PIK3CA: variants seen among roughly 807,000 people sequenced by gnomAD.
PIK3CA encodes phosphatidylinositol 4,5-bisphosphate 3-kinase catalytic subunit alpha isoform.
Under a neutral mutation model 138.2 loss-of-function variants are expected in PIK3CA, and 27 were observed. That is an observed-to-expected ratio of 0.20 (90% CI 0.14 to 0.27). PIK3CA has a LOEUF of 0.27. PIK3CA is among the 10% of genes least tolerant of loss of function. The pLI, the probability that PIK3CA is intolerant of heterozygous loss-of-function variation, is 1.00. For synonymous variants in PIK3CA, 358 were observed against 413.2 expected, an observed-to-expected ratio of 0.87 and a Z score of 1.62; for missense variants, 544 against 1,277.4, an observed-to-expected ratio of 0.43 and a Z score of 8.75.
chr3:179,199,664 A>G, intron 2 of PIK3CA, 26 bp from the exon 3 acceptor site: 5 of 1,489,658 alleles, frequency 3.4e-6, no homozygotes, highest in Non-Finnish European at 4.7e-6. Context: ...ATAGAATGTT[A>G]TATTCTTTAT....
At chr3:179,214,698 T>C (rs1404422020) in intron 9 of PIK3CA, among the ~76,000 whole-genome samples, 3 of 152,128 alleles carry the variant, frequency 2.0e-5, no homozygotes, top group African/African-American at 7.2e-5. Flanking sequence ...ACCTTCAGTT[T>C]GTTGGAAATG....
At chr3:179,215,575 C>T (rs2459693) in intron 9 of PIK3CA, among the ~76,000 whole-genome samples, 96,505 of 151,700 alleles carry the variant, frequency 0.64, 32,443 homozygotes, top group African/African-American at 0.86. Flanking sequence ...CCTAGAAGGA[C>T]AATAAAATAG....
At position 179,237,584 on chromosome 3, in the gene PIK3CA, G is replaced by C. The variant is rs143625297; in HGVS notation, c.*3220G>C. On this transcript the variant is annotated 3_prime_UTR_variant, in exon 21 of 21. Transcript: ENST00000263967. The stretch of plus-strand genomic sequence containing the variant: ...CTTGGATTTTATTTTAAATGGATTG[G>C]TGACTTTCACATAGGTAAAACACAG... The C allele has an allele frequency of 0.02, 4,232 of 207,268 alleles. 189 individuals are homozygous for C. The highest frequency in any genetic ancestry group is 0.2 in the South Asian group (1,042 of 5,290). 12.8% of individuals were successfully genotyped at this position (207,268 alleles called of 1,614,324 possible). A position where few individuals can be genotyped will look rare whatever the true frequency, so the allele number is the denominator to read the frequency against.
intron 1 of PIK3CA, among the ~76,000 whole-genome samples, chr3:179,184,373 A>C (rs907687036): frequency 6.6e-6 from 1 of 152,200 alleles, no homozygotes; most frequent in Non-Finnish European, 1.5e-5. Context: ...GTATGTAATC[A>C]TAGTCAACAG....
chr3:179,211,934 A>T (rs953773813), intron 9 of PIK3CA, among the ~76,000 whole-genome samples: 3 of 152,166 alleles, frequency 2.0e-5, no homozygotes, highest in Admixed American at 6.5e-5. Flanking sequence ...TGTACCATAT[A>T]TTGAGGTCTG....
chr3:179,224,065 CTT>C lies in PIK3CA; in HGVS notation c.2188-8_2188-7del. 3 of 1,382,684 alleles carry C rather than the reference CTT, an allele frequency of 2.2e-6. No individual in the cohort carries two copies. Among genetic ancestry groups the C allele is most frequent in the Non-Finnish European group, 3.1e-6 (3 of 980,814 alleles). 85.7% of individuals were successfully genotyped at this position (1,382,684 alleles called of 1,614,324 possible). A position where few individuals can be genotyped will look rare whatever the true frequency, so the allele number is the denominator to read the frequency against. ...AAGTCAGTTTCTTACTGTGACTATC[CTT>C]TTTTTTTAATCAGGTACAGATGAAG... On this transcript the variant is annotated splice_polypyrimidine_tract_variant and intron_variant, in intron 14 of 20. Coordinates refer to ENST00000263967, the MANE Select transcript of PIK3CA (RefSeq NM_006218.4).
At chr3:179,201,609 ATT>A (rs373901635) in intron 4 of PIK3CA, 69 bp downstream of exon 4, 6,053 of 749,434 alleles carry the variant, frequency 8.1e-3, no homozygotes, top group East Asian at 0.012. Flanking sequence ...GAGTATCTGT[ATT>A]TTTTTTTTTT....
intron 1 of PIK3CA, among the ~76,000 whole-genome samples, chr3:179,156,067 C>A (rs11708869): frequency 3.0e-4 from 45 of 152,118 alleles, no homozygotes; most frequent in African/African-American, 9.4e-4. Context: ...AAATCACTCC[C>A]TAGAGAGAAG....
rs202038584 is a variant in PIK3CA, at chr3:179,198,996, C to G, written c.171C>G (p.Pro57=). 1.7e-5 allele frequency: 27 copies of G among 1,613,120 alleles called. No individual in the cohort carries two copies. In the South Asian group the frequency reaches 2.2e-4, roughly 13 times the overall value. ...TATTTAAAGAAGCAAGAAAATACCCCCTCCATCAACTTCTTCAAGATGAAT... is the reference window on the plus strand; with the variant it reads ...TATTTAAAGAAGCAAGAAAATACCCGCTCCATCAACTTCTTCAAGATGAAT... The part of the protein sequence containing the change: ...HELFKEARKY[P]LHQLLQDESS... The change falls in exon 2 of 21, where the codon CCC becomes CCG. Residue 57 remains proline, a synonymous_variant. Coordinates refer to ENST00000263967, the MANE Select transcript of PIK3CA (RefSeq NM_006218.4).
rs1303458176 is a variant in PIK3CA, at chr3:179,201,284, T to C, written c.563-6T>C. ...GGTGATTGCATCTAATGTTTTCCTGTTATAGGGCAAATAATAGTGGTGATC... is the reference window on the plus strand; with the variant it reads ...GGTGATTGCATCTAATGTTTTCCTGCTATAGGGCAAATAATAGTGGTGATC... On this transcript the variant is annotated splice_region_variant and splice_polypyrimidine_tract_variant and intron_variant, in intron 3 of 20. Transcript: ENST00000263967. The C allele has an allele frequency of 1.2e-6, 2 of 1,608,832 alleles. No individual in the cohort carries two copies. Among genetic ancestry groups the C allele is most frequent in the Non-Finnish European group, 1.7e-6 (2 of 1,176,774 alleles).
chr3:179,224,956 C>T, intron 16 of PIK3CA, 135 bp downstream of exon 16: 1 of 553,534 alleles, frequency 1.8e-6, no homozygotes, highest in South Asian at 3.8e-5. Flanking sequence ...TAATATTTAT[C>T]AGATGTCTTG....
chr3:179,152,781 A>T (rs1723045364), intron 1 of PIK3CA, among the ~76,000 whole-genome samples: 1 of 152,144 alleles, frequency 6.6e-6, no homozygotes, highest in African/African-American at 2.4e-5. Flanking sequence ...ACCAAAAAAC[A>T]CTGTGACATT....
chr3:179,155,200 G>A (rs1293351599), intron 1 of PIK3CA, among the ~76,000 whole-genome samples: 1 of 152,140 alleles, frequency 6.6e-6, no homozygotes, highest in African/African-American at 2.4e-5. Context: ...AGGATTTTAG[G>A]CATATGTTTT....
intron 1 of PIK3CA, among the ~76,000 whole-genome samples, chr3:179,181,764 CAA>C (rs1201634153): frequency 2.6e-5 from 4 of 152,196 alleles, no homozygotes; most frequent in East Asian, 1.9e-4. Flanking sequence ...AAGCACCTAT[CAA>C]AAGAGTATCA....
At chr3:179,161,559 G>A (rs907100010) in intron 1 of PIK3CA, among the ~76,000 whole-genome samples, 8 of 152,152 alleles carry the variant, frequency 5.3e-5, no homozygotes, top group African/African-American at 1.4e-4. Context: ...TTAGCTGGGC[G>A]TGGTGGCGCG....
chr3:179,199,701 G>A lies in PIK3CA; in HGVS notation c.364G>A (p.Gly122Ser), dbSNP rs754044428. The A allele has an allele frequency of 2.5e-6, 4 of 1,606,654 alleles. No individual in the cohort carries two copies. The highest frequency in any genetic ancestry group is 2.2e-5 in the East Asian group (1 of 44,734). ...ILNREIGFAI[G>S]MPVCEFDMVK... Reference sequence around the variant, plus strand: ...TAATTTTATTAAAGGTTTTGCTATCGGCATGCCAGTGTGTGAATTTGATAT... The same window carrying A: ...TAATTTTATTAAAGGTTTTGCTATCAGCATGCCAGTGTGTGAATTTGATAT... Residue 122 changes from glycine to serine, a missense_variant, in exon 3 of 21, where the codon GGC becomes AGC. Around this residue, in one of 14 missense-constraint regions of PIK3CA, gnomAD observed 234 missense variants for 401.3 expected, o/e 0.58. Coordinates refer to ENST00000263967, the MANE Select transcript of PIK3CA (RefSeq NM_006218.4).
chr3:179,185,454 ACAAT>A (rs1560132340), intron 1 of PIK3CA, among the ~76,000 whole-genome samples: 1 of 152,342 alleles, frequency 6.6e-6, no homozygotes, highest in East Asian at 1.9e-4. Context: ...CTCCCCACCA[ACAAT>A]CAGTCAGTTG....
At chr3:179,179,319 A>G (rs183015323) in intron 1 of PIK3CA, among the ~76,000 whole-genome samples, 2 of 152,376 alleles carry the variant, frequency 1.3e-5, no homozygotes, top group East Asian at 3.9e-4. Flanking sequence ...CCACTAATAC[A>G]TTAAAACATT....
chr3:179,155,165 A>C (rs1723103067), intron 1 of PIK3CA, among the ~76,000 whole-genome samples: 1 of 152,212 alleles, frequency 6.6e-6, no homozygotes, highest in Non-Finnish European at 1.5e-5. Flanking sequence ...TAAGTACAAC[A>C]AAAATATAAG....
Sources: allele counts gnomAD v4.1 joint callset (sites outside exome capture counted in the v4.1 genomes callset), GRCh38; gene constraint gnomAD v4.1.1; regional missense constraint gnomAD v4.1.1; transcripts MANE v1.5; gene names NCBI Gene and HGNC (gene_info 2026-07-23, HGNC 2026-07-21).